NCOR2: variants seen among roughly 807,000 people sequenced by gnomAD.
The protein encoded by NCOR2 is CTG repeat protein 26.
NCOR2 carries 81 observed loss-of-function variants against 262.9 expected under a neutral mutation model. The ratio of observed to expected loss-of-function variants is 0.31; its 90% confidence interval spans 0.26 to 0.37. NCOR2 has a LOEUF of 0.37. NCOR2 is among the 10% of genes least tolerant of loss of function. NCOR2 has a pLI of 1.00. For synonymous variants in NCOR2, 1,659 were observed against 1,559.3 expected, an observed-to-expected ratio of 1.06 and a Z score of -1.51; for missense variants, 3,385 against 3,621.4, an observed-to-expected ratio of 0.93 and a Z score of 1.68.
At chr12:124,414,507 G>A (rs1455291636) in intron 13 of NCOR2, among the ~76,000 whole-genome samples, 1 of 152,148 alleles carries the variant, frequency 6.6e-6, no homozygotes, top group Non-Finnish European at 1.5e-5. Context: ...ATGTCTCACT[G>A]GACTCCCAGG....
chr12:124,335,695 G>C lies in NCOR2; in HGVS notation c.6116-63C>G, dbSNP rs967454346. 17 of 1,528,526 alleles carry C rather than the reference G, an allele frequency of 1.1e-5. No homozygotes were observed. In the Admixed American group the frequency reaches 2.1e-4, roughly 19 times the overall value. 94.7% of individuals were successfully genotyped at this position (1,528,526 alleles called of 1,614,324 possible). On this transcript the variant is annotated intron_variant, in intron 38 of 46. Transcript: ENST00000405201. ...CCAGGGTTTCGGAGCCCGAGGGGCA[G>C]GGCTGCCCTCCCAGCTGGCTGGGAC...
chr12:124,543,292 G>C (rs914048211), intron 1 of NCOR2, among the ~76,000 whole-genome samples: 1 of 152,242 alleles, frequency 6.6e-6, no homozygotes, highest in South Asian at 2.1e-4. Flanking sequence ...AACAAGGAAG[G>C]CTGCACTGAC....
chr12:124,404,559 G>C (rs776269184), intron 13 of NCOR2, among the ~76,000 whole-genome samples: 1 of 152,184 alleles, frequency 6.6e-6, no homozygotes, highest in Admixed American at 6.5e-5. Flanking sequence ...TGTCTGCTCC[G>C]GCATGGCCAG....
intron 10 of NCOR2, chr12:124,429,282 CA>C (rs2136342594): frequency 3.0e-6 from 1 of 337,480 alleles, no homozygotes. Context: ...TGGGAAGTTC[CA>C]AAAGGAGGCA....
chr12:124,481,380 T>C lies in NCOR2; in HGVS notation c.411+2216A>G, dbSNP rs908842842. Among the ~76,000 whole-genome samples, 2 of 152,056 alleles carry C rather than the reference T, an allele frequency of 1.3e-5. No individual in the cohort carries two copies. The highest frequency in any genetic ancestry group is 4.8e-5 in the African/African-American group (2 of 41,398). On this transcript the variant is annotated intron_variant, in intron 3 of 46. Coordinates refer to ENST00000405201, the Ensembl canonical transcript of NCOR2. This position sits in a 1 kb window ranked among gnomAD's most constrained non-coding sequence, Gnocchi z 4.6. The stretch of plus-strand genomic sequence containing the variant: ...CCCCCTTCAAGGCCGGCAGGGCCCC[T>C]GTGGCTGAATCTCACACCCCAGGAG...
intron 15 of NCOR2, among the ~76,000 whole-genome samples, chr12:124,398,607 G>A (rs2041824319): frequency 6.6e-6 from 1 of 152,194 alleles, no homozygotes; most frequent in Non-Finnish European, 1.5e-5. Context: ...GGTGGGCCGG[G>A]ACCTCATCTG....
intron 33 of NCOR2, among the ~76,000 whole-genome samples, chr12:124,342,631 G>A (rs1311535489): frequency 1.3e-5 from 2 of 152,174 alleles, no homozygotes; most frequent in Non-Finnish European, 1.5e-5. Context: ...GCCTCCCAAA[G>A]TGCTGGGATT....
At chr12:124,540,219 G>GAGGGAGGGCAGGGAGGGC, upstream of NCOR2, among the ~76,000 whole-genome samples, 2 of 149,180 alleles carry the variant, frequency 1.3e-5, no homozygotes, top group African/African-American at 4.9e-5. Context: ...GCAGTGGTGG[G>GAGGGAGGGCAGGGAGGGC]AGGGAGGGCA....
chr12:124,474,677 G>GA (rs2047004988), intron 3 of NCOR2, among the ~76,000 whole-genome samples: 1 of 152,186 alleles, frequency 6.6e-6, no homozygotes, highest in African/African-American at 2.4e-5. Flanking sequence ...CCAATGGGGA[G>GA]AACAGCTGGC....
rs967860855 is a variant in NCOR2 at position 124,367,903 on chromosome 12, G to A, written c.2808-4104C>T. 6.6e-5 allele frequency among the ~76,000 whole-genome samples: 10 copies of A among 152,168 alleles called. 1 individual carries two copies. The highest frequency in any genetic ancestry group is 1.3e-4 in the Admixed American group (2 of 15,282). ...CCCACCTTGGCTTCCCAAAGTGCTG[G>A]GATTACAGGCATGAGCCACCGCGAC... On this transcript the variant is annotated intron_variant, in intron 20 of 46. Coordinates refer to ENST00000405201, the Ensembl canonical transcript of NCOR2.
chr12:124,444,356 C>A (rs1478170917), intron 7 of NCOR2, among the ~76,000 whole-genome samples: 1 of 152,018 alleles, frequency 6.6e-6, no homozygotes, highest in Non-Finnish European at 1.5e-5. Context: ...GTCTTGCCAT[C>A]TGCCAGGGCA....
At chr12:124,365,921 G>A (rs900222823) in intron 20 of NCOR2, among the ~76,000 whole-genome samples, 61 of 152,026 alleles carry the variant, frequency 4.0e-4, no homozygotes, top group African/African-American at 1.4e-3. Flanking sequence ...CTCCACCTGC[G>A]GCTTCAACTG....
intron 4 of NCOR2, among the ~76,000 whole-genome samples, chr12:124,467,795 C>T (rs2046546042): frequency 1.3e-5 from 1 of 74,256 alleles, no homozygotes; most frequent in African/African-American, 4.6e-5. Flanking sequence ...ATCCTCATCA[C>T]CCCCATCATC....
chr12:124,336,294 G>T (rs1337745563), intron 38 of NCOR2: 3 of 166,622 alleles, frequency 1.8e-5, no homozygotes, highest in Non-Finnish European at 3.9e-5. Context: ...GCGTAGGCCC[G>T]AGCCCTCCCG....
At chr12:124,364,552 G>T (rs114130432) in intron 20 of NCOR2, among the ~76,000 whole-genome samples, 1 of 152,228 alleles carries the variant, frequency 6.6e-6, no homozygotes, top group African/African-American at 2.4e-5. Context: ...TGAGATGCGC[G>T]ACCAGAGGCC....
At chr12:124,325,392 C>CCCCG in exon 47 of NCOR2, 4 of 1,152,234 alleles carry the variant, frequency 3.5e-6, no homozygotes, top group Non-Finnish European at 3.3e-6. Flanking sequence ...CCCCCCCGCC[C>CCCCG]TGTTCTGAGT....
chr12:124,478,621 C>T (rs534932043), intron 3 of NCOR2, among the ~76,000 whole-genome samples: 6 of 152,204 alleles, frequency 3.9e-5, no homozygotes, highest in African/African-American at 1.2e-4. Flanking sequence ...AATCTCTTCA[C>T]GGCCTGGAGC....
chr12:124,346,537 G>GC (rs2036953552), intron 31 of NCOR2, 27 bp downstream of exon 33: 1 of 1,492,196 alleles, frequency 6.7e-7, no homozygotes, highest in Non-Finnish European at 8.9e-7. Context: ...CTAGAACTGG[G>GC]CCCGTGTGCC....
At chr12:124,510,108 C>T (rs535073281) in intron 1 of NCOR2, among the ~76,000 whole-genome samples, 2 of 152,334 alleles carry the variant, frequency 1.3e-5, no homozygotes, top group East Asian at 1.9e-4. Context: ...CCTGCCAGGC[C>T]TTCAGTTTCC....
Sources: allele counts gnomAD v4.1 joint callset (sites outside exome capture counted in the v4.1 genomes callset), GRCh38; gene constraint gnomAD v4.1.1; non-coding constraint Gnocchi (gnomAD v3.1); transcripts MANE v1.5; gene names NCBI Gene and HGNC (gene_info 2026-07-23, HGNC 2026-07-21).